Variants in HYDIN observed in about 807,000 individuals in gnomAD.
HYDIN encodes axonemal central pair apparatus protein HYDIN.
A neutral mutation model predicts 403.9 loss-of-function variants in HYDIN; 132 were observed. The ratio of observed to expected loss-of-function variants is 0.33; its 90% CI spans 0.28 to 0.38. The LOEUF is 0.38. HYDIN is among the 10% of genes least tolerant of loss of function. The pLI, the probability that HYDIN is intolerant of heterozygous loss-of-function variation, is 1.00. For synonymous variants in HYDIN, 1,202 were observed against 1,891.7 expected, an observed-to-expected ratio of 0.64 and a Z score of 9.46; for missense variants, 2,827 against 5,009.5, an observed-to-expected ratio of 0.56 and a Z score of 13.15.
Position 71,203,927 on chromosome 16 carries a change from T to A in HYDIN, c.-23-17009A>T, listed in dbSNP as rs1360786995. 8 of 415,158 alleles carry A rather than the reference T, an allele frequency of 1.9e-5. No homozygotes were observed. The Admixed American group carries it at 2.1e-4, about 11-fold the overall frequency. 25.7% of individuals were successfully genotyped at this position (415,158 alleles called of 1,614,324 possible). ...AAAAAATACCAAGATTAGCTGTGCA[T>A]GGTGGTGCACACCTTTAGTCCCGGC... On this transcript the variant is annotated intron_variant, in intron 1 of 85. Coordinates refer to ENST00000393567, the MANE Select transcript of HYDIN (RefSeq NM_001270974.2).
chr16:70,833,866 T>C (rs1248207185), intron 79 of HYDIN, 21 bp downstream of exon 79: 12 of 1,592,388 alleles, frequency 7.5e-6, no homozygotes, highest in Middle Eastern at 2.2e-4. Flanking sequence ...AGCCTCAGGG[T>C]GGGAGACACT....
chr16:70,959,609 A>T, intron 39 of HYDIN, 38 bp downstream of exon 39: 2 of 807,172 alleles, frequency 2.5e-6, no homozygotes, highest in Non-Finnish European at 3.5e-6. Context: ...AAGACATGGC[A>T]CTGCTGGTCT....
chr16:71,223,706 A>G (rs1458718555), intron 1 of HYDIN, among the ~76,000 whole-genome samples: 1 of 152,198 alleles, frequency 6.6e-6, no homozygotes, highest in African/African-American at 2.4e-5. Flanking sequence ...AAAATATACA[A>G]ACAGCCAACA....
chr16:70,855,660 A>G (rs1336230018), intron 72 of HYDIN, among the ~76,000 whole-genome samples: 1 of 152,238 alleles, frequency 6.6e-6, no homozygotes, highest in African/African-American at 2.4e-5. Context: ...CTTGCATCGA[A>G]TTCTTTGAAA....
chr16:70,831,281 G>T (rs2036965078), intron 80 of HYDIN, among the ~76,000 whole-genome samples: 1 of 151,958 alleles, frequency 6.6e-6, no homozygotes, highest in African/African-American at 2.4e-5. Context: ...AGGCCAAGTT[G>T]AGTGGATTGC....
chr16:71,182,685 T>C (rs62055863), intron 3 of HYDIN, among the ~76,000 whole-genome samples: 18,584 of 152,168 alleles, frequency 0.12, 1,480 homozygotes, highest in Middle Eastern at 0.23. Flanking sequence ...TTAAGCTGAC[T>C]ATATGATCCA....
intron 23 of HYDIN, among the ~76,000 whole-genome samples, chr16:71,015,800 C>T (rs374483846): frequency 1.3e-5 from 2 of 148,590 alleles, no homozygotes; most frequent in African/African-American, 5.0e-5. Context: ...CATGAGGTTT[C>T]CTCAGTTAAG....
In HYDIN at chr16:70,992,080, C is replaced by A. The variant is rs2079372444; in HGVS notation, c.3775G>T (p.Asp1259Tyr). 1 of 1,613,610 alleles carries A rather than the reference C, an allele frequency of 6.2e-7. No homozygotes were observed. Among genetic ancestry groups the A allele is most frequent in the African/African-American group, 1.3e-5 (1 of 74,838 alleles). Residue 1259 changes from aspartate (D) to tyrosine (Y), a missense_variant, in exon 24 of 86, where the codon GAT becomes TAT. Asp to Tyr is a radical substitution (Grantham distance 160). Transcript: ENST00000393567. ...TVESPEMDLN[D>Y]FVKTVLVDED... ...TGGCTTTGCACTTACTTAACAAAAT[C>A]ATTTAAATCCATCTCGGGGGACTCT... is the stretch of plus-strand genomic sequence containing the variant.
intron 3 of HYDIN, 65 bp downstream of exon 3, chr16:71,184,800 T>G (rs1246135704): frequency 1.4e-6 from 2 of 1,401,568 alleles, no homozygotes; most frequent in South Asian, 3.1e-5. Flanking sequence ...TTTTACTTAT[T>G]GTTCTGGAAT....
chr16:70,972,088 G>GA (rs1242051403), intron 35 of HYDIN, among the ~76,000 whole-genome samples: 12 of 148,106 alleles, frequency 8.1e-5, no homozygotes, highest in Admixed American at 4.7e-4. Flanking sequence ...TTAAGTAATG[G>GA]AAAAAAAATC....
chr16:71,146,271 C>T lies in HYDIN; in HGVS notation c.841+6388G>A, dbSNP rs926651490. The stretch of plus-strand genomic sequence containing the variant: ...GTGATACAGTGACCCAAATCTAATT[C>T]TAAGGCCACATTTATTCTGACACTT... On this transcript the variant is annotated intron_variant, in intron 7 of 85. Coordinates refer to ENST00000393567, the MANE Select transcript of HYDIN (RefSeq NM_001270974.2). Among the ~76,000 whole-genome samples the T allele has an allele frequency of 9.3e-5, 14 of 150,410 alleles. No homozygotes were observed. In the South Asian group the frequency reaches 2.3e-3, roughly 25 times the overall value.
intron 18 of HYDIN, among the ~76,000 whole-genome samples, chr16:71,033,284 C>T (rs2080977686): frequency 1.3e-5 from 2 of 152,222 alleles, no homozygotes; most frequent in Non-Finnish European, 2.9e-5. Flanking sequence ...AAATGCACCA[C>T]ACACATTTTC....
At chr16:70,845,743 T>G (rs1461684765) in intron 75 of HYDIN, among the ~76,000 whole-genome samples, 1 of 138,384 alleles carries the variant, frequency 7.2e-6, no homozygotes, top group Non-Finnish European at 1.5e-5. Context: ...TATTCAGAGA[T>G]TCAACTTATT....
chr16:71,179,939 T>G (rs955257967), intron 3 of HYDIN, among the ~76,000 whole-genome samples: 2 of 152,128 alleles, frequency 1.3e-5, no homozygotes, highest in Admixed American at 6.5e-5. Flanking sequence ...TGGCACACAG[T>G]TTGAAAACTG....
At chr16:71,083,613 T>C (rs1330244629) in intron 12 of HYDIN, among the ~76,000 whole-genome samples, 1 of 147,706 alleles carries the variant, frequency 6.8e-6, no homozygotes, top group African/African-American at 2.5e-5. Context: ...TAGTTCCTTA[T>C]CTGTAGTTTT....
intron 25 of HYDIN, among the ~76,000 whole-genome samples, chr16:70,990,745 G>GT (rs2079323466): frequency 6.6e-6 from 1 of 152,200 alleles, no homozygotes; most frequent in South Asian, 2.1e-4. Context: ...GTGCAGAGGT[G>GT]TATCTGGAGG....
intron 23 of HYDIN, among the ~76,000 whole-genome samples, chr16:70,998,028 G>T (rs1465152263): frequency 6.6e-6 from 1 of 152,186 alleles, no homozygotes; most frequent in Non-Finnish European, 1.5e-5. Flanking sequence ...TTTGGCCAAT[G>T]AGGCATTCAA....
At position 70,808,020 on chromosome 16, in the gene HYDIN, C is replaced by T. The variant is rs1433945596; in HGVS notation, c.14926G>A (p.Ala4976Thr). 6.2e-7 allele frequency: 1 copy of T among 1,613,642 alleles called. No homozygotes were observed. The highest frequency in any genetic ancestry group is 1.3e-5 in the African/African-American group (1 of 74,978). The change falls in exon 86 of 86, where the codon GCC (alanine) becomes ACC (threonine). Residue 4976 changes from alanine (A) to threonine (T), a missense_variant. Physicochemically the swap from Ala to Thr is moderately conservative, Grantham distance 58. Transcript: ENST00000393567. ...TCAGTGCCTCCCTGGCCTCCTGGGG[C>T]TGCATTAATGAGTTTTTCTGCGTGG... ...DFHAEKLINA[A>T]PGGQGGTEAS...
At chr16:71,211,019 C>T (rs1266994280) in intron 1 of HYDIN, among the ~76,000 whole-genome samples, 4 of 151,420 alleles carry the variant, frequency 2.6e-5, no homozygotes, top group Non-Finnish European at 1.5e-5. Flanking sequence ...AGAAATATTA[C>T]ACACACACAC....
Sources: gnomAD v4.1 joint callset for allele counts (sites outside exome capture counted in the v4.1 genomes callset) on GRCh38, gnomAD v4.1.1 for gene constraint, MANE v1.5 for transcripts, NCBI Gene and HGNC (gene_info 2026-07-23, HGNC 2026-07-21) for gene names.